Variants in PARD3 observed in about 807,000 individuals in gnomAD.
The protein encoded by PARD3 is par-3 family cell polarity regulator.
A neutral mutation model predicts 155.4 loss-of-function variants in PARD3; 75 were observed. The ratio of observed to expected loss-of-function variants is 0.48; its 90% CI spans 0.40 to 0.58. The LOEUF is 0.58. PARD3 is among the 20% of genes least tolerant of loss of function. The probability of loss-of-function intolerance (pLI) is 0.00; values close to 1 mark genes in which losing one functional copy is unlikely to be tolerated. For synonymous variants in PARD3, 576 were observed against 610.5 expected (o/e 0.94, Z 0.83); for missense variants, 1,642 against 1,721.7 (o/e 0.95, Z 0.82).
At chr10:34,559,756 C>T (rs1376197424) in intron 2 of PARD3, among the ~76,000 whole-genome samples, 1 of 152,144 alleles carries the variant, frequency 6.6e-6, no homozygotes, top group Non-Finnish European at 1.5e-5. Context: ...GGATGACTCC[C>T]AGGACAGCGA....
At chr10:34,522,492 G>A (rs1376558074) in intron 2 of PARD3, among the ~76,000 whole-genome samples, 2 of 152,120 alleles carry the variant, frequency 1.3e-5, no homozygotes, top group African/African-American at 2.4e-5. Context: ...ACAACTTCCA[G>A]AACACAATAA....
chr10:34,505,500 T>A (rs770750034), intron 3 of PARD3, among the ~76,000 whole-genome samples: 24 of 152,126 alleles, frequency 1.6e-4, no homozygotes, highest in Non-Finnish European at 3.2e-4. Context: ...AGCACATGGT[T>A]TGGGTCTAAT....
chr10:34,507,548 C>CAAAAAACAAAAAAA (rs2081148335), intron 3 of PARD3, among the ~76,000 whole-genome samples: 2 of 43,002 alleles, frequency 4.7e-5, no homozygotes, highest in African/African-American at 2.2e-4. Flanking sequence ...ATTAAAAAAA[C>CAAAAAACAAAAAAA]AAAAAAAAAA....
At chr10:34,125,462 A>G (rs1368183690) in intron 23 of PARD3, among the ~76,000 whole-genome samples, 1 of 152,192 alleles carries the variant, frequency 6.6e-6, no homozygotes, top group Non-Finnish European at 1.5e-5. Flanking sequence ...TTTTGAGTCA[A>G]GGCATGGAGG....
chr10:34,312,206 A>G, intron 20 of PARD3: 2 of 1,461,138 alleles, frequency 1.4e-6, no homozygotes, highest in Non-Finnish European at 9.3e-7. Flanking sequence ...TAAGGAAATT[A>G]CTAAACCATC....
chr10:34,592,393 T>C (rs943489296), intron 2 of PARD3, among the ~76,000 whole-genome samples: 11 of 152,196 alleles, frequency 7.2e-5, no homozygotes, highest in African/African-American at 2.7e-4. Flanking sequence ...ATTTCCCTTC[T>C]CCTAGAATGT....
At chr10:34,287,761 G>T (rs7067869) in intron 20 of PARD3, among the ~76,000 whole-genome samples, 1 of 152,116 alleles carries the variant, frequency 6.6e-6, no homozygotes, top group Non-Finnish European at 1.5e-5. Context: ...ATTTTTTAAA[G>T]AGTAGGTTCC....
At chr10:34,604,041 A>T (rs1388472497) in intron 2 of PARD3, among the ~76,000 whole-genome samples, 1 of 152,176 alleles carries the variant, frequency 6.6e-6, no homozygotes, top group Non-Finnish European at 1.5e-5. Flanking sequence ...AAATCCTCTT[A>T]AGAAGTGAGT....
At chr10:34,728,053 G>C (rs1422137831) in intron 1 of PARD3, among the ~76,000 whole-genome samples, 1 of 152,088 alleles carries the variant, frequency 6.6e-6, no homozygotes, top group Non-Finnish European at 1.5e-5. Context: ...TCAACAAGTA[G>C]GTATATTAAG....
chr10:34,673,044 T>C (rs1156723206), intron 2 of PARD3, among the ~76,000 whole-genome samples: 2 of 152,160 alleles, frequency 1.3e-5, no homozygotes, highest in African/African-American at 2.4e-5. Flanking sequence ...AGGGCTTCAG[T>C]GATCTAAACG....
chr10:34,122,264 T>C (rs1160273011), intron 23 of PARD3, among the ~76,000 whole-genome samples: 3 of 152,170 alleles, frequency 2.0e-5, no homozygotes, highest in South Asian at 2.1e-4. Context: ...TGAAGGGAAA[T>C]TGCAAGGTCT....
chr10:34,584,041 T>C (rs980362626), intron 2 of PARD3, among the ~76,000 whole-genome samples: 17 of 152,206 alleles, frequency 1.1e-4, no homozygotes, highest in African/African-American at 4.1e-4. Flanking sequence ...ACTTAGATTA[T>C]ACGTGATACA....
intron 2 of PARD3, among the ~76,000 whole-genome samples, chr10:34,592,770 G>A (rs1280278002): frequency 1.3e-5 from 2 of 152,016 alleles, no homozygotes; most frequent in African/African-American, 2.4e-5. Flanking sequence ...GCAATACTCT[G>A]TCTCAAAAAC....
chr10:34,704,156 A>G (rs566599529), intron 1 of PARD3, among the ~76,000 whole-genome samples: 12 of 152,332 alleles, frequency 7.9e-5, no homozygotes, highest in South Asian at 2.1e-4. Flanking sequence ...AATGGCACTG[A>G]AAGAGTACCC....
Position 34,734,464 on chromosome 10 carries a change from T to C in PARD3, c.121-38045A>G, listed in dbSNP as rs74977196. Among the ~76,000 whole-genome samples the C allele has an allele frequency of 8.6e-3, 1,305 of 151,500 alleles. 22 individuals are homozygous for C. Among genetic ancestry groups the C allele is most frequent in the African/African-American group, 0.03 (1,250 of 41,334 alleles). On this transcript the variant is annotated intron_variant, in intron 1 of 24. Transcript: ENST00000374788. ...CATTCTCCTGCTTCAGCCTCCATAGTAGCTGGGATTACAGGCGCCCGCCAC... is the reference window on the plus strand; with the variant it reads ...CATTCTCCTGCTTCAGCCTCCATAGCAGCTGGGATTACAGGCGCCCGCCAC...
intron 19 of PARD3, among the ~76,000 whole-genome samples, chr10:34,323,773 G>C (rs1267941835): frequency 3.3e-5 from 5 of 152,248 alleles, no homozygotes; most frequent in Admixed American, 2.6e-4. Context: ...CCCTTCCCTA[G>C]ACAATGTTGC....
At chr10:34,696,474 A>G in intron 1 of PARD3, 55 bp from the exon 2 acceptor site, 1 of 1,077,690 alleles carries the variant, frequency 9.3e-7, no homozygotes, top group Non-Finnish European at 1.4e-6. Context: ...CCAAAAGGGA[A>G]TTAGACATTT....
intron 2 of PARD3, among the ~76,000 whole-genome samples, chr10:34,537,084 C>G (rs886140935): frequency 2.0e-5 from 3 of 152,180 alleles, no homozygotes; most frequent in Non-Finnish European, 4.4e-5. Context: ...CTCACTGCAA[C>G]CTCAAACTCC....
At chr10:34,124,697 G>A (rs146818923) in intron 23 of PARD3, among the ~76,000 whole-genome samples, 7 of 152,212 alleles carry the variant, frequency 4.6e-5, no homozygotes, top group Non-Finnish European at 8.8e-5. Flanking sequence ...AAGCACACCC[G>A]TTTCCCTCAT....
Sources: allele counts gnomAD v4.1 joint callset (sites outside exome capture counted in the v4.1 genomes callset), GRCh38; gene constraint gnomAD v4.1.1; transcripts MANE v1.5; gene names NCBI Gene and HGNC (gene_info 2026-07-23, HGNC 2026-07-21).